LRRTM4: variants seen among roughly 807,000 people sequenced by gnomAD.
LRRTM4 encodes leucine-rich repeat transmembrane neuronal protein 4.
Under a neutral mutation model 47.6 loss-of-function variants are expected in LRRTM4, and 25 were observed. The observed-to-expected ratio is 0.53, with a 90% CI of 0.38 to 0.73. The LOEUF (loss-of-function observed/expected upper bound fraction) is 0.73. LRRTM4 is among the 30% of genes least tolerant of loss of function. The pLI, the probability that LRRTM4 is intolerant of heterozygous loss-of-function variation, is 0.00. For missense variants in LRRTM4, 638 were observed against 713.4 expected, an observed-to-expected ratio of 0.89 and a Z score of 1.20; for synonymous variants, 311 against 269.5, an observed-to-expected ratio of 1.15 and a Z score of -1.51.
At chr2:76,850,339 A>G (rs905851131) in intron 3 of LRRTM4, among the ~76,000 whole-genome samples, 1 of 152,148 alleles carries the variant, frequency 6.6e-6, no homozygotes, top group Non-Finnish European at 1.5e-5. Context: ...TAAAAACGGA[A>G]GCAATTGTGT....
At chr2:77,087,874 G>A (rs1223265081) in intron 3 of LRRTM4, among the ~76,000 whole-genome samples, 1 of 152,212 alleles carries the variant, frequency 6.6e-6, no homozygotes, top group Non-Finnish European at 1.5e-5. Context: ...ATAGACGTGT[G>A]TAGAAAATAA....
intron 3 of LRRTM4, among the ~76,000 whole-genome samples, chr2:77,481,880 CTT>C (rs57122011): frequency 0.61 from 88,381 of 144,058 alleles, 26,632 homozygotes; most frequent in Middle Eastern, 0.73. Context: ...TTTTTTTTTT[CTT>C]TTTTTTTTTT....
At chr2:76,765,447 C>A (rs1346179557) in intron 3 of LRRTM4, among the ~76,000 whole-genome samples, 1 of 152,112 alleles carries the variant, frequency 6.6e-6, no homozygotes, top group East Asian at 1.9e-4. Flanking sequence ...TATTATGTGT[C>A]CTAACCCTCA....
At chr2:77,326,816 T>C (rs1670795018) in intron 3 of LRRTM4, among the ~76,000 whole-genome samples, 1 of 152,224 alleles carries the variant, frequency 6.6e-6, no homozygotes, top group East Asian at 1.9e-4. Flanking sequence ...TGTTATATCC[T>C]ACCAGCCTAC....
intron 3 of LRRTM4, among the ~76,000 whole-genome samples, chr2:76,940,673 T>G (rs1197593917): frequency 6.6e-6 from 1 of 152,154 alleles, no homozygotes; most frequent in Non-Finnish European, 1.5e-5. Flanking sequence ...TTTGTTGTTG[T>G]TGTTCTGTTT....
chr2:77,148,368 T>A (rs1573009776), intron 3 of LRRTM4, among the ~76,000 whole-genome samples: 1 of 152,166 alleles, frequency 6.6e-6, no homozygotes, highest in African/African-American at 2.4e-5. Context: ...AGTTGGGGAC[T>A]TTCATTTAAC....
At chr2:77,457,238 C>A (rs1468504412) in intron 3 of LRRTM4, among the ~76,000 whole-genome samples, 1 of 151,592 alleles carries the variant, frequency 6.6e-6, no homozygotes, top group Non-Finnish European at 1.5e-5. Flanking sequence ...CACTTTATTT[C>A]CCCCTCTCAC....
At chr2:77,101,441 T>C (rs546928450) in intron 3 of LRRTM4, among the ~76,000 whole-genome samples, 1 of 152,288 alleles carries the variant, frequency 6.6e-6, no homozygotes, top group Admixed American at 6.5e-5. Context: ...TGAGTAATGC[T>C]ATTAGCTTAG....
At chr2:77,350,332 C>CAAAAAAAAAAA (rs61365229) in intron 3 of LRRTM4, among the ~76,000 whole-genome samples, 5 of 39,188 alleles carry the variant, frequency 1.3e-4, no homozygotes, top group Non-Finnish European at 1.3e-4. Context: ...GACTCCGTCT[C>CAAAAAAAAAAA]AAAAAAAAAA....
intron 3 of LRRTM4, among the ~76,000 whole-genome samples, chr2:77,183,758 A>G (rs1254602159): frequency 6.6e-6 from 1 of 152,204 alleles, no homozygotes; most frequent in Non-Finnish European, 1.5e-5. Flanking sequence ...GCCATAAAAA[A>G]GCAATGAGTT....
chr2:76,861,983 T>A (rs139051452), intron 3 of LRRTM4, among the ~76,000 whole-genome samples: 3 of 152,266 alleles, frequency 2.0e-5, no homozygotes, highest in Non-Finnish European at 4.4e-5. Context: ...TTGCCTGGAC[T>A]ATTCTTTGTG....
At chr2:77,316,635 C>A (rs570521468) in intron 3 of LRRTM4, among the ~76,000 whole-genome samples, 28 of 151,928 alleles carry the variant, frequency 1.8e-4, no homozygotes, top group Non-Finnish European at 3.8e-4. Context: ...GCAACCCCTG[C>A]CTCCTAGATT....
At chr2:77,316,171 T>G (rs1558685025) in intron 3 of LRRTM4, among the ~76,000 whole-genome samples, 1 of 152,150 alleles carries the variant, frequency 6.6e-6, no homozygotes, top group Non-Finnish European at 1.5e-5. Flanking sequence ...GCCAGTGACA[T>G]GGTAAACTTT....
At chr2:76,858,265 C>T (rs748858182) in intron 3 of LRRTM4, among the ~76,000 whole-genome samples, 10 of 152,212 alleles carry the variant, frequency 6.6e-5, no homozygotes, top group Middle Eastern at 3.4e-3. Context: ...ACCAGGTGAA[C>T]GCCTGAAAAA....
Position 76,795,087 on chromosome 2 carries a change from G to A in LRRTM4, c.1552-46171C>T, listed in dbSNP as rs140440540. ...AAGTAAAAATACCTTTAACATAGACGGCAGATATGACATGCTCAATACCGA... is the reference window on the plus strand; with the variant it reads ...AAGTAAAAATACCTTTAACATAGACAGCAGATATGACATGCTCAATACCGA... On this transcript the variant is annotated intron_variant, in intron 3 of 3. Coordinates refer to ENST00000409884, the MANE Select transcript of LRRTM4 (RefSeq NM_001134745.3). 4.6e-3 allele frequency among the ~76,000 whole-genome samples: 692 copies of A among 151,822 alleles called. 8 individuals carry two copies. The highest frequency in any genetic ancestry group is 0.014 in the African/African-American group (559 of 41,398).
chr2:77,459,814 C>T (rs2103969970), intron 3 of LRRTM4, among the ~76,000 whole-genome samples: 1 of 140,364 alleles, frequency 7.1e-6, no homozygotes, highest in Admixed American at 7.0e-5. Context: ...TACAGACAAA[C>T]AAACAACACC....
At position 77,351,056 on chromosome 2, in the gene LRRTM4, G is replaced by T. The variant is rs371348692; in HGVS notation, c.1551+167262C>A. Among the ~76,000 whole-genome samples the T allele has an allele frequency of 4.8e-4, 73 of 152,134 alleles. 1 individual carries two copies. In the South Asian group the frequency reaches 0.015, roughly 31 times the overall value. Reference sequence around the variant, plus strand: ...AGTACCCATTAGTTACTTTCCCTGAGCCTCTCCTTCCTCCCACCCCGTATG... The same window carrying T: ...AGTACCCATTAGTTACTTTCCCTGATCCTCTCCTTCCTCCCACCCCGTATG... On this transcript the variant is annotated intron_variant, in intron 3 of 3. Transcript: ENST00000409884.
chr2:76,893,729 T>C (rs373842030), intron 3 of LRRTM4, among the ~76,000 whole-genome samples: 5 of 151,808 alleles, frequency 3.3e-5, no homozygotes, highest in South Asian at 2.1e-4. Flanking sequence ...AGGTCAGAGG[T>C]AGAACAGATT....
intron 3 of LRRTM4, among the ~76,000 whole-genome samples, chr2:77,268,317 G>A (rs1036509854): frequency 4.6e-5 from 7 of 152,002 alleles, no homozygotes; most frequent in Non-Finnish European, 8.8e-5. Context: ...TCACTGAATA[G>A]CAACACTAAG....
Sources: gnomAD v4.1 joint callset for allele counts (sites outside exome capture counted in the v4.1 genomes callset) on GRCh38, gnomAD v4.1.1 for gene constraint, MANE v1.5 for transcripts, NCBI Gene and HGNC (gene_info 2026-07-23, HGNC 2026-07-21) for gene names.